UNC79: variants seen among roughly 807,000 people sequenced by gnomAD.
UNC79 encodes protein unc-79 homolog.
Under a neutral mutation model 283.1 loss-of-function variants are expected in UNC79, and 37 were observed. The ratio of observed to expected loss-of-function variants is 0.13; its 90% CI spans 0.10 to 0.17. The LOEUF (loss-of-function observed/expected upper bound fraction) is 0.17, where lower values mean the gene tolerates loss of function less well. Among genes scored for constraint, UNC79 ranks in the 10% least tolerant of loss-of-function variants. The pLI is 1.00. For missense variants in UNC79, 2,272 were observed against 3,211.1 expected, an observed-to-expected ratio of 0.71 and a Z score of 7.07; for synonymous variants, 1,107 against 1,200.2, an observed-to-expected ratio of 0.92 and a Z score of 1.61.
chr14:93,373,251 G>A (rs61991749), intron 1 of UNC79, among the ~76,000 whole-genome samples: 147 of 152,230 alleles, frequency 9.7e-4, no homozygotes, highest in South Asian at 3.1e-3. Flanking sequence ...AACTAGAAGA[G>A]CAAATTAAAT....
chr14:93,634,193 T>G (rs746009672), intron 31 of UNC79, among the ~76,000 whole-genome samples: 6 of 152,212 alleles, frequency 3.9e-5, no homozygotes, highest in Non-Finnish European at 7.3e-5. Flanking sequence ...TTAAATTTGT[T>G]ATTTGTCTTA....
chr14:93,559,970 TA>T (rs1286808923), intron 14 of UNC79, among the ~76,000 whole-genome samples: 3 of 151,840 alleles, frequency 2.0e-5, no homozygotes, highest in Non-Finnish European at 4.4e-5. Flanking sequence ...CAAGCGGGAT[TA>T]GGGGCGGCTT....
At chr14:93,532,681 A>G (rs2060885730) in intron 11 of UNC79, 103 bp downstream of exon 11, 1 of 1,367,402 alleles carries the variant, frequency 7.3e-7, no homozygotes, top group Non-Finnish European at 1.0e-6. Context: ...TTTCCAGTAT[A>G]TGCATGCCAT....
intron 41 of UNC79, among the ~76,000 whole-genome samples, chr14:93,677,445 G>A (rs1408713731): frequency 6.6e-6 from 1 of 152,138 alleles, no homozygotes; most frequent in Non-Finnish European, 1.5e-5. Flanking sequence ...TTGTGCAGGG[G>A]AACTCCCATT....
chr14:93,357,422 C>T (rs567944705), intron 1 of UNC79, among the ~76,000 whole-genome samples: 2 of 151,958 alleles, frequency 1.3e-5, no homozygotes, highest in Admixed American at 1.3e-4. Flanking sequence ...AACCCACCCT[C>T]GATCTGGTTG....
chr14:93,680,031 T>TA (rs904312782), intron 41 of UNC79, among the ~76,000 whole-genome samples: 2 of 152,046 alleles, frequency 1.3e-5, no homozygotes, highest in South Asian at 2.1e-4. Context: ...AATGCATGGA[T>TA]AAAAAAAAGA....
intron 1 of UNC79, among the ~76,000 whole-genome samples, chr14:93,373,331 A>G (rs1444107118): frequency 6.6e-6 from 1 of 152,172 alleles, no homozygotes; most frequent in Non-Finnish European, 1.5e-5. Flanking sequence ...CAGGAAATTA[A>G]TAAAGTCAAC....
intron 40 of UNC79, among the ~76,000 whole-genome samples, chr14:93,672,384 T>G (rs2072955404): frequency 6.6e-6 from 1 of 152,138 alleles, no homozygotes; most frequent in Non-Finnish European, 1.5e-5. Flanking sequence ...AATTGGAGTT[T>G]GTTATGTTAA....
chr14:93,682,600 T>G lies in UNC79; in HGVS notation c.6742-17T>G. On this transcript the variant is annotated splice_polypyrimidine_tract_variant and intron_variant, in intron 41 of 48. Coordinates refer to ENST00000555664, the Ensembl canonical transcript of UNC79. ...CAGATACCCTTAAAAATAATTATCC[T>G]TTCACTTTTTTATTAGTTTATTTGT... 6.2e-7 allele frequency: 1 copy of G among 1,609,412 alleles called. No homozygotes were observed. The highest frequency in any genetic ancestry group is 1.3e-5 in the African/African-American group (1 of 74,918).
chr14:93,510,682 C>T (rs2059775666), intron 7 of UNC79, among the ~76,000 whole-genome samples: 1 of 152,194 alleles, frequency 6.6e-6, no homozygotes, highest in Non-Finnish European at 1.5e-5. Context: ...TCCTCATCTC[C>T]ATCGGAGACT....
In UNC79 at chr14:93,549,671, A is replaced by G. The variant is rs1370523490; in HGVS notation, c.1755+6975A>G. Among the ~76,000 whole-genome samples, 3 of 152,220 alleles carry G rather than the reference A, an allele frequency of 2.0e-5. No individual in the cohort carries two copies. The East Asian group carries it at 5.8e-4, about 29-fold the overall frequency. ...AATAGATTCAGAAAGGCTCCAGCAT[A>G]GCCATGTGGTGGAAAAAAAAGACAG... is the stretch of plus-strand genomic sequence containing the variant. On this transcript the variant is annotated intron_variant, in intron 14 of 48. Coordinates refer to ENST00000555664, the Ensembl canonical transcript of UNC79.
intron 1 of UNC79, among the ~76,000 whole-genome samples, chr14:93,419,412 C>T (rs2055541216): frequency 6.6e-6 from 1 of 151,596 alleles, no homozygotes; most frequent in Admixed American, 6.6e-5. Context: ...CGTGATCCAC[C>T]TGCCTCAGCC....
intron 1 of UNC79, among the ~76,000 whole-genome samples, chr14:93,357,552 C>G (rs1265148113): frequency 6.6e-6 from 1 of 151,462 alleles, no homozygotes; most frequent in South Asian, 2.1e-4. Flanking sequence ...TGCTCCTGCC[C>G]TTAAACATCA....
At chr14:93,372,435 C>T (rs2054471701) in intron 1 of UNC79, among the ~76,000 whole-genome samples, 1 of 152,148 alleles carries the variant, frequency 6.6e-6, no homozygotes, top group Admixed American at 6.5e-5. Flanking sequence ...AAGATACCTA[C>T]TTCAGATATA....
At chr14:93,583,047 C>T (rs114314754) in intron 20 of UNC79, among the ~76,000 whole-genome samples, 1,867 of 152,176 alleles carry the variant, frequency 0.012, 39 homozygotes, top group African/African-American at 0.042. Context: ...CCTGGTCAGG[C>T]GCGGTGGCTC....
At chr14:93,426,888 C>T (rs1269814136), upstream of UNC79, among the ~76,000 whole-genome samples, 2 of 151,994 alleles carry the variant, frequency 1.3e-5, no homozygotes, top group Non-Finnish European at 2.9e-5. Flanking sequence ...TCAAGTGGGT[C>T]ACATTTCCTT....
At chr14:93,578,720 A>G (rs2063609591) in intron 18 of UNC79, among the ~76,000 whole-genome samples, 4 of 152,208 alleles carry the variant, frequency 2.6e-5, no homozygotes, top group Admixed American at 1.3e-4. Flanking sequence ...CTCTTACATA[A>G]ACACAGTACA....
chr14:93,475,036 T>C (rs936206041), intron 3 of UNC79, among the ~76,000 whole-genome samples: 2 of 152,220 alleles, frequency 1.3e-5, no homozygotes, highest in Non-Finnish European at 2.9e-5. Flanking sequence ...ATGATATTAG[T>C]GGTGCTTAGA....
At chr14:93,517,328 T>G (rs35632284) in intron 7 of UNC79, among the ~76,000 whole-genome samples, 1 of 68,200 alleles carries the variant, frequency 1.5e-5, no homozygotes, top group African/African-American at 5.3e-5. Context: ...TCCTTCTCTT[T>G]TTTTTTTTTT....
Sources: allele counts gnomAD v4.1 joint callset (sites outside exome capture counted in the v4.1 genomes callset), GRCh38; gene constraint gnomAD v4.1.1; transcripts MANE v1.5; gene names NCBI Gene and HGNC (gene_info 2026-07-23, HGNC 2026-07-21).